The following SETD9 variants were observed in gnomAD, a reference collection of about 807,000 sequenced individuals.
SETD9 encodes SET domain-containing protein 9.
A neutral mutation model predicts 36.4 loss-of-function variants in SETD9; 37 were observed. That is an observed-to-expected ratio of 1.02 (90% CI 0.78 to 1.34). The LOEUF (loss-of-function observed/expected upper bound fraction) is 1.34. Ranked by LOEUF, SETD9 falls within the 40% of genes most tolerant of loss-of-function variation. SETD9 has a pLI of 0.00. For synonymous variants in SETD9, 128 were observed against 132.9 expected (o/e 0.96, Z 0.26); for missense variants, 323 against 353.2 (o/e 0.91, Z 0.69).
intron 1 of SETD9, 68 bp downstream of exon 1, chr5:56,909,811 G>A: frequency 1.5e-6 from 2 of 1,361,596 alleles, no homozygotes; most frequent in Non-Finnish European, 2.0e-6. Context: ...ACGGCGGCGG[G>A]ACGCAAAGCG....
At chr5:56,919,591 AAACC>A (rs1749567597), downstream of SETD9, 1 of 152,604 alleles carries the variant, frequency 6.6e-6, no homozygotes, top group African/African-American at 2.4e-5. Flanking sequence ...ATATTCACAC[AAACC>A]AAGAAAAAAA....
Position 56,924,455 on chromosome 5 carries a change from C to G in SETD9, c.813-878C>G, listed in dbSNP as rs1749860218. 3.3e-5 allele frequency among the ~76,000 whole-genome samples: 5 copies of G among 152,138 alleles called. No homozygotes were observed. In the South Asian group the frequency reaches 1.0e-3, roughly 31 times the overall value. On this transcript the variant is annotated intron_variant, in intron 5 of 5. Coordinates refer to the SETD9 transcript ENST00000628593. ...GTCCATAAATGGATTTCATTGAGAT[C>G]TATTAATTCACAAAATTATATTTAG...
intron 5 of SETD9, among the ~76,000 whole-genome samples, chr5:56,924,230 G>A (rs1235903262): frequency 6.6e-6 from 1 of 151,712 alleles, no homozygotes; most frequent in Non-Finnish European, 1.5e-5. Context: ...ATTTAATAAT[G>A]AGGCCATTTT....
chr5:56,910,514 T>G, intron 1 of SETD9: 3 of 852,504 alleles, frequency 3.5e-6, no homozygotes, highest in Non-Finnish European at 4.8e-6. Flanking sequence ...CAAAGCGGTT[T>G]CCGGAAGGTT....
chr5:56,918,830 A>G (rs1561224268), downstream of SETD9, among the ~76,000 whole-genome samples: 1 of 152,234 alleles, frequency 6.6e-6, no homozygotes, highest in South Asian at 2.1e-4. Flanking sequence ...ATGGAACTAC[A>G]TAAAGCTCTG....
At chr5:56,925,968 C>G (rs963685309), downstream of SETD9, among the ~76,000 whole-genome samples, 1 of 151,832 alleles carries the variant, frequency 6.6e-6, no homozygotes, top group African/African-American at 2.4e-5. Context: ...TGATCTTTAA[C>G]CAAAGAACAA....
Position 56,913,938 on chromosome 5 carries a change from G to T in SETD9, c.655G>T (p.Glu219Ter). 1 of 1,614,002 alleles carries T rather than the reference G, an allele frequency of 6.2e-7. No homozygotes were observed. The highest frequency in any genetic ancestry group is 8.5e-7 in the Non-Finnish European group (1 of 1,179,920). The change falls in exon 4 of 6, where the codon GAA (glutamate) becomes TAA (stop). Residue 219 changes from glutamate (E) to a stop codon, truncating the protein, a stop_gained. Transcript: ENST00000285947. LOFTEE classifies it high-confidence loss of function. ...GAGTGATAGTACATGGCTAACGTCAGAAATTCATAACCCTCTGGCTGTGGG... is the reference window on the plus strand; with the variant it reads ...GAGTGATAGTACATGGCTAACGTCATAAATTCATAACCCTCTGGCTGTGGG... ...KMSDSTWLTS[E>*]IHNPLAVGQY...
At chr5:56,928,536 G>A, downstream of SETD9, 1 of 327,650 alleles carries the variant, frequency 3.1e-6, no homozygotes, top group African/African-American at 2.1e-5. Flanking sequence ...AATACAGTGA[G>A]TCCACTTTCT....
chr5:56,911,112 G>T, intron 1 of SETD9, 57 bp from the exon 2 acceptor site: 2 of 1,492,790 alleles, frequency 1.3e-6, no homozygotes, highest in Non-Finnish European at 1.8e-6. Context: ...AGTTATGCAG[G>T]TAAGTTTGGC....
At position 56,923,547 on chromosome 5, in the gene SETD9, C is replaced by T. The variant is rs13158350; in HGVS notation, c.813-1786C>T. 4 of 1,614,074 alleles carry T rather than the reference C, an allele frequency of 2.5e-6. No individual in the cohort carries two copies. In the African/African-American group the frequency reaches 4.0e-5, roughly 16 times the overall value. The stretch of plus-strand genomic sequence containing the variant: ...AAGCTATCATCCAAACAATTCACAT[C>T]TGTGGGGTCGCAGACGGTTGCTACA... On this transcript the variant is annotated intron_variant, in intron 5 of 5. Transcript: ENST00000628593.
chr5:56,919,314 C>A (rs1183580979), downstream of SETD9, among the ~76,000 whole-genome samples: 1 of 151,800 alleles, frequency 6.6e-6, no homozygotes, highest in Non-Finnish European at 1.5e-5. Flanking sequence ...TTAGTAGAGA[C>A]GGGGTTTCAC....
rs1213115574 is a variant in SETD9 at position 56,913,904 on chromosome 5, T to C, written c.621T>C (p.Pro207=). 3.1e-6 allele frequency: 5 copies of C among 1,613,626 alleles called. No homozygotes were observed. The highest frequency in any genetic ancestry group is 2.2e-5 in the East Asian group (1 of 44,894). ...GCAATGGGAGGGATCGACTCGGCCC[T>C]TTAAAAATGAGTGATAGTACATGGC... ...RSCNGRDRLG[P]LKMSDSTWLT... is the part of the protein sequence containing the mutation. Residue 207 remains proline (P), a synonymous_variant, in exon 4 of 6, where the codon CCT becomes CCC. Coordinates refer to ENST00000285947, the MANE Select transcript of SETD9 (RefSeq NM_153706.4).
rs149829260 is a variant in SETD9 at position 56,909,666 on chromosome 5, G to A, written c.21G>A (p.Arg7=). ...CAGCCATGCCTGGCCGTCTGCTGCG[G>A]GGCCTGTGGCAGCGATGGCGCCGTT... MPGRLL[R]GLWQRWRRYK... is the part of the protein sequence containing the mutation. The change falls in exon 1 of 6, where the codon CGG becomes CGA. Residue 7 remains arginine, a synonymous_variant. Coordinates refer to ENST00000285947, the MANE Select transcript of SETD9 (RefSeq NM_153706.4). 2 of 1,609,390 alleles carry A rather than the reference G, an allele frequency of 1.2e-6. No homozygotes were observed. Among genetic ancestry groups the A allele is most frequent in the South Asian group, 1.1e-5 (1 of 90,578 alleles).
At chr5:56,910,234 C>T in intron 1 of SETD9, 1 of 1,294,708 alleles carries the variant, frequency 7.7e-7, no homozygotes, top group Admixed American at 2.4e-5. Context: ...TGAACTTCCT[C>T]AGAAAAGCCA....
chr5:56,917,327 C>T lies in SETD9; in HGVS notation c.*425C>T, dbSNP rs769117505. On this transcript the variant is annotated 3_prime_UTR_variant, in exon 6 of 6. Transcript: ENST00000285947. ...TTTTACAGAATTGAGTAAAAAATAC[C>T]TATTGTGTTGCCATGAGTAAATTGG... 109 of 987,392 alleles carry T rather than the reference C, an allele frequency of 1.1e-4. No homozygotes were observed. Among genetic ancestry groups the T allele is most frequent in the Non-Finnish European group, 1.3e-4 (107 of 831,420 alleles). The allele number at this position is 987,392 out of a possible 1,614,324, so 61.2% of individuals were successfully genotyped here.
chr5:56,910,210 G>C (rs1376786794), intron 1 of SETD9: 2 of 1,275,964 alleles, frequency 1.6e-6, no homozygotes, highest in Non-Finnish European at 2.0e-6. Context: ...TCCACCAGGG[G>C]TTAATTAGGT....
intron 4 of SETD9, among the ~76,000 whole-genome samples, chr5:56,914,654 T>A (rs1749334959): frequency 6.6e-6 from 1 of 151,228 alleles, no homozygotes; most frequent in South Asian, 2.1e-4. Context: ...TTTTTGAATA[T>A]TTTATTTTAT....
At chr5:56,914,794 AT>A in intron 4 of SETD9, 66 bp from the exon 5 acceptor site, 1 of 1,132,266 alleles carries the variant, frequency 8.8e-7, no homozygotes, top group Non-Finnish European at 1.3e-6. Flanking sequence ...GAGTGTCATA[AT>A]TCAATTCTGT....
intron 5 of SETD9, chr5:56,923,644 C>T (rs746495462): frequency 1.9e-6 from 3 of 1,613,180 alleles, no homozygotes; most frequent in Non-Finnish European, 2.5e-6. Flanking sequence ...ACAGAGGACA[C>T]AATTTTGCAA....
Sources: gnomAD v4.1 joint callset for allele counts (sites outside exome capture counted in the v4.1 genomes callset) on GRCh38, gnomAD v4.1.1 for gene constraint, MANE v1.5 for transcripts, NCBI Gene and HGNC (gene_info 2026-07-23, HGNC 2026-07-21) for gene names.